PARD3: variants seen among roughly 807,000 people sequenced by gnomAD.
PARD3 encodes partitioning defective 3 homolog.
A neutral mutation model predicts 155.4 loss-of-function variants in PARD3; 75 were observed. The ratio of observed to expected loss-of-function variants is 0.48; its 90% CI spans 0.40 to 0.58. The LOEUF is 0.58. PARD3 is among the 20% of genes least tolerant of loss of function. The pLI is 0.00. For synonymous variants in PARD3, 576 were observed against 610.5 expected (o/e 0.94, Z 0.83); for missense variants, 1,642 against 1,721.7 (o/e 0.95, Z 0.82).
At chr10:34,728,400 C>G (rs1469220297) in intron 1 of PARD3, among the ~76,000 whole-genome samples, 9 of 152,174 alleles carry the variant, frequency 5.9e-5, no homozygotes, top group Non-Finnish European at 1.3e-4. Flanking sequence ...TAGCAGCCAG[C>G]TAGTCCCACA....
intron 21 of PARD3, among the ~76,000 whole-genome samples, chr10:34,271,208 C>G (rs1393993017): frequency 1.3e-5 from 2 of 151,304 alleles, no homozygotes; most frequent in Non-Finnish European, 3.0e-5. Flanking sequence ...AGAAAAGATA[C>G]CAAAATCAGA....
intron 14 of PARD3, among the ~76,000 whole-genome samples, chr10:34,350,633 CGGG>C (rs113142401): frequency 7.4e-5 from 3 of 40,720 alleles, no homozygotes; most frequent in Non-Finnish European, 7.1e-5. Context: ...TCCATCTTGG[CGGG>C]GGGGGAGGGG....
intron 1 of PARD3, among the ~76,000 whole-genome samples, chr10:34,784,036 T>G (rs910345621): frequency 6.6e-6 from 1 of 151,984 alleles, no homozygotes; most frequent in Non-Finnish European, 1.5e-5. Context: ...AAAGAGACCA[T>G]GTCTCTACAA....
In PARD3 at chr10:34,770,613, G is replaced by A. The variant is rs538771481; in HGVS notation, c.120+44263C>T. Among the ~76,000 whole-genome samples, 147 of 152,292 alleles carry A rather than the reference G, an allele frequency of 9.7e-4. 1 individual carries two copies. The highest frequency in any genetic ancestry group is 3.3e-3 in the African/African-American group (138 of 41,566). On this transcript the variant is annotated intron_variant, in intron 1 of 24. Transcript: ENST00000374788. Reference sequence around the variant, plus strand: ...AAGGTGTCCCGGCAGAGCAGAAAACGCTAGCCTTGCAGTCAAGACTCACCT... The same window carrying A: ...AAGGTGTCCCGGCAGAGCAGAAAACACTAGCCTTGCAGTCAAGACTCACCT...
intron 2 of PARD3, among the ~76,000 whole-genome samples, chr10:34,608,840 T>C (rs566593300): frequency 6.6e-6 from 1 of 152,252 alleles, no homozygotes; most frequent in South Asian, 2.1e-4. Flanking sequence ...AGCCTACAAA[T>C]TTTTAAAACT....
intron 3 of PARD3, among the ~76,000 whole-genome samples, chr10:34,506,331 G>A (rs1308774437): frequency 6.6e-6 from 1 of 152,058 alleles, no homozygotes; most frequent in Non-Finnish European, 1.5e-5. Context: ...TACAGAATAT[G>A]TTATTATTTT....
intron 22 of PARD3, among the ~76,000 whole-genome samples, chr10:34,223,388 A>G (rs999147790): frequency 2.6e-5 from 4 of 152,234 alleles, no homozygotes; most frequent in African/African-American, 9.6e-5. Flanking sequence ...ATCGAAAACA[A>G]ACTATCCCAA....
chr10:34,144,682 G>A (rs781036380), intron 22 of PARD3, among the ~76,000 whole-genome samples: 3 of 152,138 alleles, frequency 2.0e-5, no homozygotes, highest in Non-Finnish European at 4.4e-5. Context: ...GGTAGATGAA[G>A]CATTAGCTCT....
intron 2 of PARD3, among the ~76,000 whole-genome samples, chr10:34,667,019 A>G (rs1191866879): frequency 6.6e-6 from 1 of 151,786 alleles, no homozygotes; most frequent in Non-Finnish European, 1.5e-5. Context: ...AAATACAAAA[A>G]TTAGCCGACG....
At chr10:34,752,771 T>C (rs1253042132) in intron 1 of PARD3, among the ~76,000 whole-genome samples, 4 of 152,170 alleles carry the variant, frequency 2.6e-5, no homozygotes, top group African/African-American at 9.6e-5. Context: ...CAACTTAAAG[T>C]GGAAAAATGG....
chr10:34,689,996 G>A (rs149993697), intron 2 of PARD3, among the ~76,000 whole-genome samples: 2,040 of 152,206 alleles, frequency 0.013, 54 homozygotes, highest in African/African-American at 0.046. Context: ...CCAGGCTGGA[G>A]TACAGTGGGC....
intron 12 of PARD3, among the ~76,000 whole-genome samples, chr10:34,364,109 C>T (rs966878311): frequency 1.3e-5 from 2 of 152,092 alleles, no homozygotes; most frequent in African/African-American, 4.8e-5. Context: ...GGCCCAAATC[C>T]ACAGTTAATC....
At chr10:34,299,109 A>G (rs1375578953) in intron 20 of PARD3, among the ~76,000 whole-genome samples, 1 of 152,196 alleles carries the variant, frequency 6.6e-6, no homozygotes, top group Non-Finnish European at 1.5e-5. Flanking sequence ...ATAGTCCCCA[A>G]CAACTGATTT....
At chr10:34,753,502 C>T (rs751809548) in intron 1 of PARD3, among the ~76,000 whole-genome samples, 1 of 152,200 alleles carries the variant, frequency 6.6e-6, no homozygotes, top group African/African-American at 2.4e-5. Context: ...AAAGACCTTG[C>T]CACATGGACA....
At chr10:34,240,268 A>G (rs1588897934) in intron 22 of PARD3, among the ~76,000 whole-genome samples, 1 of 152,226 alleles carries the variant, frequency 6.6e-6, no homozygotes, top group East Asian at 1.9e-4. Context: ...AAGAGGGCAC[A>G]TTACTAAAGA....
chr10:34,361,983 T>A (rs1311665846), intron 12 of PARD3, among the ~76,000 whole-genome samples: 1 of 152,114 alleles, frequency 6.6e-6, no homozygotes, highest in Admixed American at 6.6e-5. Context: ...AAACTAGATT[T>A]AAAATATTCC....
intron 7 of PARD3, among the ~76,000 whole-genome samples, chr10:34,395,843 C>CAAAAAAAAAAAAAAAAAAAAAAAAA (rs1173283584): frequency 4.3e-5 from 1 of 23,298 alleles, no homozygotes; most frequent in Non-Finnish European, 5.7e-5. Context: ...GACTCCGTCT[C>CAAAAAAAAAAAAAAAAAAAAAAAAA]AAAAAAAAAA....
chr10:34,423,487 C>G (rs756798661), intron 5 of PARD3, among the ~76,000 whole-genome samples: 2 of 152,084 alleles, frequency 1.3e-5, no homozygotes, highest in Non-Finnish European at 2.9e-5. Flanking sequence ...ACAAAATAAA[C>G]GAAGTACGTG....
rs536247803 is a variant in PARD3, at chr10:34,548,257, G to A, written c.223-31098C>T. 2.6e-5 allele frequency among the ~76,000 whole-genome samples: 4 copies of A among 152,282 alleles called. No individual in the cohort carries two copies. In the East Asian group the frequency reaches 7.7e-4, roughly 29 times the overall value. ...TAATCCCAACACATTGGGAGGCTGA[G>A]GCAGGTGAATCACTTGAGGCCAGGA... On this transcript the variant is annotated intron_variant, in intron 2 of 24. Transcript: ENST00000374788.
Sources: gnomAD v4.1 joint callset for allele counts (sites outside exome capture counted in the v4.1 genomes callset) on GRCh38, gnomAD v4.1.1 for gene constraint, MANE v1.5 for transcripts, NCBI Gene and HGNC (gene_info 2026-07-23, HGNC 2026-07-21) for gene names.